The following DSE variants were observed in gnomAD, a reference collection of about 807,000 sequenced individuals.
DSE encodes the protein dermatan-sulfate epimerase.
A neutral mutation model predicts 84.4 loss-of-function variants in DSE; 36 were observed. The observed-to-expected ratio is 0.43, with a 90% CI of 0.33 to 0.56. DSE has a LOEUF of 0.56. Ranked by LOEUF, DSE falls within the 20% of genes least tolerant of loss-of-function variation. DSE has a pLI of 0.06. For missense variants in DSE, 862 were observed against 1,169.6 expected, an observed-to-expected ratio of 0.74 and a Z score of 3.84; for synonymous variants, 410 against 430.1, an observed-to-expected ratio of 0.95 and a Z score of 0.58.
At position 116,278,721 on chromosome 6, in the gene DSE, G is replaced by T. The variant is rs1303687075; in HGVS notation, c.-54+19754G>T. On this transcript the variant is annotated intron_variant, in intron 2 of 3. Coordinates refer to the DSE transcript ENST00000430252. ...TGAAGAAGCTGCAGATGAGGTCTTGGTTTCTGCGAATGAAGGACTGGGGTT... is the reference window on the plus strand; with the variant it reads ...TGAAGAAGCTGCAGATGAGGTCTTGTTTTCTGCGAATGAAGGACTGGGGTT... The T allele has an allele frequency of 2.5e-6, 4 of 1,614,172 alleles. No homozygotes were observed. The Admixed American group carries it at 6.7e-5, about 27-fold the overall frequency.
chr6:116,432,962 T>G, intron 4 of DSE: 1 of 200,194 alleles, frequency 5.0e-6, no homozygotes, highest in Non-Finnish European at 1.0e-5. Flanking sequence ...CATGTTGAGT[T>G]GTGGGAGAGC....
rs2114631970 is a variant in DSE, at chr6:116,278,578, C to T, written c.-54+19611C>T. ...TACAGGCTCCCTTAGCGGGCGACGT[C>T]GGGCTCTACGGACTCCTTCACGCAA... On this transcript the variant is annotated intron_variant, in intron 2 of 3. Transcript: ENST00000430252. 5.6e-6 allele frequency: 9 copies of T among 1,614,150 alleles called. No individual in the cohort carries two copies. Among genetic ancestry groups the T allele is most frequent in the East Asian group, 2.2e-5 (1 of 44,866 alleles).
intron 2 of DSE, among the ~76,000 whole-genome samples, chr6:116,267,456 A>C (rs553418615): frequency 5.3e-4 from 78 of 146,800 alleles, no homozygotes; most frequent in Non-Finnish European, 9.8e-4. Flanking sequence ...AAAAAAGAAA[A>C]AATATTAGAA....
intron 2 of DSE, among the ~76,000 whole-genome samples, chr6:116,347,629 A>C (rs1778068553): frequency 6.6e-6 from 1 of 152,248 alleles, no homozygotes; most frequent in South Asian, 2.1e-4. Flanking sequence ...CTTACACCGC[A>C]TACAAAAATT....
At chr6:116,361,413 A>G (rs1778880046) in intron 2 of DSE, among the ~76,000 whole-genome samples, 1 of 152,202 alleles carries the variant, frequency 6.6e-6, no homozygotes, top group South Asian at 2.1e-4. Flanking sequence ...TATATGGCTT[A>G]ATGAGCTTTT....
At chr6:116,279,906 G>A in intron 2 of DSE, 2 of 1,588,670 alleles carry the variant, frequency 1.3e-6, no homozygotes, top group Non-Finnish European at 8.6e-7. Context: ...ACCGCCGCTC[G>A]CACCGCCCAC....
At position 116,435,991 on chromosome 6, in the gene DSE, C is replaced by G. The variant is rs1784128127; in HGVS notation, c.1523C>G (p.Ser508Ter). 6.2e-7 allele frequency: 1 copy of G among 1,614,000 alleles called. No individual in the cohort carries two copies. Among genetic ancestry groups the G allele is most frequent in the Non-Finnish European group, 8.5e-7 (1 of 1,180,030 alleles). Residue 508 changes from serine to a stop codon, truncating the protein, a stop_gained, in exon 6 of 6, where the codon TCA (serine) becomes TGA (stop). Transcript: ENST00000644252. LOFTEE classifies it high-confidence loss of function. ...GGTCAGGTCACAGAAGACTGCTCATCAAAATGGTCTAAATACAAGCATGAC... is the reference window on the plus strand; with the variant it reads ...GGTCAGGTCACAGAAGACTGCTCATGAAAATGGTCTAAATACAAGCATGAC... ...WVGQVTEDCSSKWSKYKHDLA... is the reference protein window; with the variant it reads ...WVGQVTEDCS
At chr6:116,322,779 A>G (rs1776403759) in intron 2 of DSE, among the ~76,000 whole-genome samples, 1 of 152,234 alleles carries the variant, frequency 6.6e-6, no homozygotes. Flanking sequence ...GTGCATGTGT[A>G]AATGACTCTC....
chr6:116,384,794 A>T (rs1184555303), intron 1 of DSE, among the ~76,000 whole-genome samples: 4 of 152,192 alleles, frequency 2.6e-5, no homozygotes. Context: ...TGTGCTGGAG[A>T]TATAGCAGAA....
chr6:116,257,908 A>T (rs886076912), intron 1 of DSE, among the ~76,000 whole-genome samples: 4 of 152,204 alleles, frequency 2.6e-5, no homozygotes, highest in African/African-American at 9.7e-5. Flanking sequence ...CCATAAAATT[A>T]GTGACAATTG....
chr6:116,369,430 G>A (rs189200888), upstream of DSE, among the ~76,000 whole-genome samples: 3 of 152,234 alleles, frequency 2.0e-5, no homozygotes, highest in East Asian at 1.9e-4. Flanking sequence ...CACAGTGACC[G>A]TCTGATATGG....
rs538253119 is a variant in DSE, at chr6:116,399,815, A to G, written c.416+149A>G. ...ATTTGTTATTTGTGTTGCCAGTCTT[A>G]TGAATGGCCCTTAGTTTCAAAAGAT... is the stretch of plus-strand genomic sequence containing the variant. On this transcript the variant is annotated intron_variant, in intron 2 of 5. Transcript: ENST00000644252. 6.9e-6 allele frequency: 5 copies of G among 724,550 alleles called. No homozygotes were observed. In the South Asian group the frequency reaches 1.0e-4, roughly 15 times the overall value. 44.9% of individuals were successfully genotyped at this position (724,550 alleles called of 1,614,324 possible).
At chr6:116,322,173 C>T (rs1381426551) in intron 2 of DSE, among the ~76,000 whole-genome samples, 2 of 151,870 alleles carry the variant, frequency 1.3e-5, no homozygotes, top group African/African-American at 4.9e-5. Context: ...CAGAACAAAA[C>T]AGGATAGGGA....
At chr6:116,345,410 C>T (rs1777892167) in intron 2 of DSE, among the ~76,000 whole-genome samples, 1 of 152,116 alleles carries the variant, frequency 6.6e-6, no homozygotes, top group Admixed American at 6.5e-5. Context: ...GAAATTATAA[C>T]AAACTGTCTC....
intron 2 of DSE, among the ~76,000 whole-genome samples, chr6:116,422,723 A>G (rs1052673907): frequency 2.6e-5 from 4 of 152,372 alleles, no homozygotes; most frequent in Non-Finnish European, 5.9e-5. Flanking sequence ...GTGCAAAATC[A>G]TACAAGGACT....
intron 2 of DSE, among the ~76,000 whole-genome samples, chr6:116,344,754 G>T (rs1777842402): frequency 6.6e-6 from 1 of 152,120 alleles, no homozygotes; most frequent in South Asian, 2.1e-4. Flanking sequence ...ATAATGACAG[G>T]ATCAAATTCA....
chr6:116,409,281 T>A (rs1007881918), intron 2 of DSE, among the ~76,000 whole-genome samples: 1 of 152,182 alleles, frequency 6.6e-6, no homozygotes, highest in African/African-American at 2.4e-5. Flanking sequence ...GTTTTTTTGT[T>A]TTTTTGTTTT....
At chr6:116,318,526 A>AGG (rs1776126200) in intron 2 of DSE, among the ~76,000 whole-genome samples, 1 of 144,496 alleles carries the variant, frequency 6.9e-6, no homozygotes, top group East Asian at 2.4e-4. Flanking sequence ...AAAGAAAGAG[A>AGG]AGAAGACTGA....
At chr6:116,347,442 G>C (rs200299055) in intron 2 of DSE, among the ~76,000 whole-genome samples, 30 of 149,254 alleles carry the variant, frequency 2.0e-4, no homozygotes, top group African/African-American at 2.5e-4. Context: ...TACCAAAACA[G>C]AGATATAGAC....
Sources: allele counts gnomAD v4.1 joint callset (sites outside exome capture counted in the v4.1 genomes callset), GRCh38; gene constraint gnomAD v4.1.1; transcripts MANE v1.5; gene names NCBI Gene and HGNC (gene_info 2026-07-23, HGNC 2026-07-21).